ADGRD2: variants seen among roughly 807,000 people sequenced by gnomAD.
ADGRD2 encodes the protein adhesion G protein-coupled receptor D2, also known as G protein-coupled receptor PGR24.
A neutral mutation model predicts 44.4 loss-of-function variants in ADGRD2; 71 were observed. The ratio of observed to expected loss-of-function variants is 1.60; its 90% CI spans 1.32 to 1.95. The LOEUF (loss-of-function observed/expected upper bound fraction) is 1.95. ADGRD2 is among the 30% of genes most tolerant of loss of function. The probability of loss-of-function intolerance (pLI) is 0.00; values close to 1 mark genes in which losing one functional copy is unlikely to be tolerated. For missense variants in ADGRD2, 1,039 were observed against 512.4 expected, an observed-to-expected ratio of 2.03 and a Z score of -9.92; for synonymous variants, 481 against 224.8, an observed-to-expected ratio of 2.14 and a Z score of -10.19.
intron 6 of ADGRD2, 81 bp downstream of exon 9, chr9:124,455,208 G>A (rs1307201647): frequency 1.7e-6 from 1 of 604,064 alleles, no homozygotes; most frequent in South Asian, 2.0e-5. Flanking sequence ...TAGCTGTGGG[G>A]GAGTCAGCAT....
At chr9:124,470,071 C>A (rs1831918633) in intron 16 of ADGRD2, among the ~76,000 whole-genome samples, 4 of 152,158 alleles carry the variant, frequency 2.6e-5, no homozygotes, top group Non-Finnish European at 4.4e-5. Context: ...CCCTTCCCCA[C>A]CCATCCTCCA....
chr9:124,458,005 G>A, intron 8 of ADGRD2, 108 bp from the exon 12 acceptor site: 1 of 662,530 alleles, frequency 1.5e-6, no homozygotes, highest in Middle Eastern at 2.5e-4. Context: ...ACCTCTCTGA[G>A]CCTCAGTTTC....
rs144036775 is a variant in ADGRD2, at chr9:124,466,051, A to T, written c.1871-207A>T. ...GTAATTAATTAAGTTGATAAATGAC[A>T]GTCACTGGGATCAGCCCTGCCCTCC... On this transcript the variant is annotated intron_variant, in intron 10 of 21. Transcript: ENST00000334810. 5.7e-4 allele frequency: 227 copies of T among 396,180 alleles called. 1 individual carries two copies. The highest frequency in any genetic ancestry group is 4.0e-3 in the African/African-American group (193 of 48,606). 24.5% of individuals were successfully genotyped at this position (396,180 alleles called of 1,614,324 possible).
intron 10 of ADGRD2, among the ~76,000 whole-genome samples, chr9:124,459,514 T>C (rs1310111330): frequency 6.6e-6 from 1 of 151,816 alleles, no homozygotes; most frequent in Non-Finnish European, 1.5e-5. Context: ...AAAAGTTTTG[T>C]AGATATATAT....
chr9:124,468,009 G>T, intron 12 of ADGRD2, 79 bp from the exon 16 acceptor site: 1 of 715,708 alleles, frequency 1.4e-6, no homozygotes, highest in Non-Finnish European at 2.6e-6. Context: ...AGGCACAGGG[G>T]ATCGGGCAGG....
In ADGRD2 at chr9:124,453,521, T is replaced by C. The variant is rs1356566577; in HGVS notation, c.770T>C (p.Phe257Ser). 8 of 701,330 alleles carry C rather than the reference T, an allele frequency of 1.1e-5. No homozygotes were observed. The East Asian group carries it at 2.2e-4, about 19-fold the overall frequency. 43.4% of individuals were successfully genotyped at this position (701,330 alleles called of 1,614,324 possible). The change falls in exon 3 of 22, where the codon TTC (phenylalanine) becomes TCC (serine). Residue 257 changes from phenylalanine to serine, a missense_variant. Physicochemically the swap from Phe to Ser is radical, Grantham distance 155. Coordinates refer to ENST00000334810, the Ensembl canonical transcript of ADGRD2. ...GCCCTCAGCGGCAACCTCACCGACT[T>C]CCACCTGTGGGCGCGGGCGCTGAGC...
At chr9:124,474,900 T>TC (rs1435839445) in intron 17 of ADGRD2, among the ~76,000 whole-genome samples, 1 of 152,040 alleles carries the variant, frequency 6.6e-6, no homozygotes, top group Non-Finnish European at 1.5e-5. Context: ...GAGAGCCAGC[T>TC]CCTCCCCAGC....
intron 10 of ADGRD2, among the ~76,000 whole-genome samples, chr9:124,461,725 TG>T (rs1435327469): frequency 1.3e-4 from 10 of 75,658 alleles, no homozygotes; most frequent in African/African-American, 7.9e-4. Flanking sequence ...CTTCCAACTT[TG>T]TTTTTTTTTT....
intron 21 of ADGRD2, among the ~76,000 whole-genome samples, chr9:124,477,673 G>GCC (rs1481077757): frequency 1.3e-5 from 2 of 152,176 alleles, no homozygotes; most frequent in South Asian, 2.1e-4. Flanking sequence ...GGGATCCCAG[G>GCC]CCCCGACCAG....
At chr9:124,471,996 G>C (rs1332566054) in intron 17 of ADGRD2, among the ~76,000 whole-genome samples, 1 of 152,210 alleles carries the variant, frequency 6.6e-6, no homozygotes, top group East Asian at 1.9e-4. Flanking sequence ...ACACGGTGGG[G>C]CAGGTGGTGG....
At chr9:124,476,472 G>A in intron 20 of ADGRD2, 57 bp downstream of exon 23, 1 of 680,104 alleles carries the variant, frequency 1.5e-6, no homozygotes, top group Non-Finnish European at 2.7e-6. Context: ...GGCAAAGCCA[G>A]CAGGCAAAGT....
intron 7 of ADGRD2, among the ~76,000 whole-genome samples, chr9:124,457,020 C>T (rs1003290051): frequency 6.6e-6 from 1 of 152,220 alleles, no homozygotes; most frequent in Admixed American, 6.5e-5. Context: ...GAACCTTGAA[C>T]ATGTCTTTCA....
intron 17 of ADGRD2, 27 bp downstream of exon 20, chr9:124,470,641 C>T (rs932096938): frequency 1.4e-6 from 1 of 696,326 alleles, no homozygotes; most frequent in Non-Finnish European, 2.6e-6. Flanking sequence ...CCTTCTGGGA[C>T]TAGGCCCTGA....
chr9:124,471,928 A>T (rs551685596), intron 17 of ADGRD2, among the ~76,000 whole-genome samples: 1 of 152,346 alleles, frequency 6.6e-6, no homozygotes, highest in African/African-American at 2.4e-5. Flanking sequence ...CACGCCCCCC[A>T]GGGCTTCATG....
At chr9:124,451,960 C>A, upstream of ADGRD2, 1 of 656,394 alleles carries the variant, frequency 1.5e-6, no homozygotes, top group South Asian at 1.8e-5. Flanking sequence ...GGATTTGAAT[C>A]CAGGTCTGAC....
intron 19 of ADGRD2, among the ~76,000 whole-genome samples, chr9:124,476,020 C>T (rs1349872669): frequency 6.6e-6 from 1 of 152,204 alleles, no homozygotes; most frequent in Non-Finnish European, 1.5e-5. Flanking sequence ...CTGGCCCACG[C>T]ATGGGGCTTC....
intron 17 of ADGRD2, among the ~76,000 whole-genome samples, 152 bp from the exon 21 acceptor site, chr9:124,475,294 G>C (rs1011017319): frequency 2.0e-5 from 3 of 152,234 alleles, no homozygotes; most frequent in African/African-American, 7.2e-5. Flanking sequence ...GCGGGCACGA[G>C]GGCAGGGCCG....
chr9:124,460,774 C>T (rs76514443), intron 10 of ADGRD2, among the ~76,000 whole-genome samples: 4,823 of 152,076 alleles, frequency 0.032, 242 homozygotes, highest in East Asian at 0.19. Flanking sequence ...CACTCATATA[C>T]AAGTCTTTTT....
chr9:124,470,859 A>G (rs887872488), intron 17 of ADGRD2, among the ~76,000 whole-genome samples: 1 of 152,258 alleles, frequency 6.6e-6, no homozygotes, highest in Non-Finnish European at 1.5e-5. Flanking sequence ...GCTGAGACCC[A>G]GAAAGAGGGT....
Sources: allele counts gnomAD v4.1 joint callset (sites outside exome capture counted in the v4.1 genomes callset), GRCh38; gene constraint gnomAD v4.1.1; transcripts MANE v1.5; gene names NCBI Gene and HGNC (gene_info 2026-07-23, HGNC 2026-07-21).